MBP: variants seen among roughly 807,000 people sequenced by gnomAD.
MBP encodes myelin basic protein, also known as Golli-MBP.
MBP carries 16 observed loss-of-function variants against 35.8 expected under a neutral mutation model. The observed-to-expected ratio is 0.45, with a 90% CI of 0.30 to 0.68. The LOEUF is 0.68. Ranked by LOEUF, MBP falls within the 30% of genes least tolerant of loss-of-function variation. MBP has a pLI of 0.08. For missense variants in MBP, 380 were observed against 404.7 expected, an observed-to-expected ratio of 0.94 and a Z score of 0.52; for synonymous variants, 143 against 159.6, an observed-to-expected ratio of 0.90 and a Z score of 0.78.
chr18:77,081,819 T>C (rs7505230), intron 2 of MBP, among the ~76,000 whole-genome samples: 62 of 76,234 alleles, frequency 8.1e-4, no homozygotes, highest in African/African-American at 1.6e-3. Context: ...CACACATATA[T>C]ACACACACAC....
At chr18:76,990,633 C>T (rs2123146903) in intron 4 of MBP, among the ~76,000 whole-genome samples, 3 of 152,222 alleles carry the variant, frequency 2.0e-5, no homozygotes, top group Middle Eastern at 3.4e-3. Context: ...GAAAAGAGGG[C>T]TTAGAAGAGC....
At chr18:76,986,464 C>T (rs1261022055) in intron 7 of MBP, 2 of 985,390 alleles carry the variant, frequency 2.0e-6, no homozygotes, top group Non-Finnish European at 2.4e-6. Flanking sequence ...GGGGGCTTCC[C>T]ACCATACAAG....
At chr18:77,055,850 C>T (rs1425495486) in intron 3 of MBP, among the ~76,000 whole-genome samples, 1 of 152,224 alleles carries the variant, frequency 6.6e-6, no homozygotes, top group Non-Finnish European at 1.5e-5. Context: ...GGTGACTTTG[C>T]AAACCCAGAC....
intron 3 of MBP, among the ~76,000 whole-genome samples, chr18:77,051,684 T>C (rs1973494427): frequency 6.6e-6 from 1 of 152,164 alleles, no homozygotes; most frequent in East Asian, 1.9e-4. Context: ...ACACCTTTCC[T>C]GATACATCAA....
At chr18:76,991,416 G>C (rs1178053694) in intron 4 of MBP, among the ~76,000 whole-genome samples, 1 of 152,150 alleles carries the variant, frequency 6.6e-6, no homozygotes, top group Non-Finnish European at 1.5e-5. Flanking sequence ...CATGGGGGCA[G>C]GTGACACAGG....
At chr18:77,096,103 C>A (rs1975747109) in intron 2 of MBP, among the ~76,000 whole-genome samples, 1 of 152,192 alleles carries the variant, frequency 6.6e-6, no homozygotes, top group African/African-American at 2.4e-5. Flanking sequence ...ATTTATGATT[C>A]CATAAAGGAA....
intron 4 of MBP, among the ~76,000 whole-genome samples, chr18:76,994,800 G>A (rs982432036): frequency 2.6e-5 from 4 of 152,202 alleles, no homozygotes; most frequent in African/African-American, 7.2e-5. Context: ...GAATTAACAT[G>A]TAGGCTGTTT....
intron 2 of MBP, chr18:77,095,316 G>A (rs913229137): frequency 4.6e-5 from 7 of 152,148 alleles, no homozygotes; most frequent in Admixed American, 4.6e-4. Flanking sequence ...TATATTAAAT[G>A]GCCAATTTAA....
chr18:77,052,142 G>C (rs62106765), intron 3 of MBP, among the ~76,000 whole-genome samples: 112 of 152,262 alleles, frequency 7.4e-4, no homozygotes, highest in African/African-American at 2.6e-3. Flanking sequence ...AAGTCCACCC[G>C]ACCAGGAACG....
In MBP at chr18:77,017,209, A is replaced by T; in HGVS notation, c.199T>A (p.Ser67Thr). The stretch of plus-strand genomic sequence containing the variant: ...TTCTTCGGGTCCGCTGTGCGCTTGG[A>T]GTCAGTCACCGCTGTGTCCTGAGAG... ...TSSQDTAVTD[S>T]KRTADPKNAW... The change falls in exon 4 of 9, where the codon TCC becomes ACC. Residue 67 changes from serine (S) to threonine (T), a missense_variant. Coordinates refer to ENST00000355994, the MANE Select transcript of MBP (RefSeq NM_001025101.2). The T allele has an allele frequency of 6.5e-7, 1 of 1,528,572 alleles. No individual in the cohort carries two copies. Among genetic ancestry groups the T allele is most frequent in the Non-Finnish European group, 8.8e-7 (1 of 1,138,696 alleles). The allele number at this position is 1,528,572 out of a possible 1,614,324, so 94.7% of individuals were successfully genotyped here.
intron 3 of MBP, among the ~76,000 whole-genome samples, chr18:77,049,087 T>G (rs1484482980): frequency 6.6e-6 from 1 of 151,888 alleles, no homozygotes; most frequent in Admixed American, 6.6e-5. Flanking sequence ...GCCCGGCTAA[T>G]TTTTTGTATT....
At chr18:77,092,568 G>T (rs1975579347) in intron 2 of MBP, among the ~76,000 whole-genome samples, 1 of 152,062 alleles carries the variant, frequency 6.6e-6, no homozygotes, top group Admixed American at 6.5e-5. Context: ...AATGACATCA[G>T]CCCTGCTCTG....
chr18:77,112,961 C>A (rs1976521677), intron 1 of MBP: 1 of 151,456 alleles, frequency 6.6e-6, no homozygotes, highest in African/African-American at 2.4e-5. Flanking sequence ...TTTTTTGAGA[C>A]AGAGTTTCAC....
chr18:76,998,229 A>AG (rs1210982982), intron 4 of MBP, among the ~76,000 whole-genome samples: 3 of 152,134 alleles, frequency 2.0e-5, no homozygotes, highest in Non-Finnish European at 4.4e-5. Flanking sequence ...GGGCCACCCG[A>AG]GGGGCCTCCT....
In MBP at chr18:76,989,686, T is replaced by C. The variant is rs470144; in HGVS notation, c.681+270A>G. 73,465 of 410,528 alleles carry C rather than the reference T, an allele frequency of 0.18. 7,290 individuals are homozygous for C. The highest frequency in any genetic ancestry group is 0.35 in the East Asian group (6,104 of 17,382). The allele number at this position is 410,528 out of a possible 1,614,324, so 25.4% of individuals were successfully genotyped here. On this transcript the variant is annotated intron_variant, in intron 5 of 8. Transcript: ENST00000355994. The surrounding 1 kb of genome is among the most constrained non-coding windows in gnomAD (Gnocchi z 4.0). ...GGTTGCAAAGCCTGTGTTTTTAGGC[T>C]AAGCGTTACATGGGAGCCTAATCTC...
intron 1 of MBP, among the ~76,000 whole-genome samples, chr18:77,129,794 C>T (rs559703306): frequency 6.6e-6 from 1 of 152,176 alleles, no homozygotes; most frequent in African/African-American, 2.4e-5. Flanking sequence ...CTTTGGGAGG[C>T]CGAGGTGGGT....
intron 3 of MBP, among the ~76,000 whole-genome samples, chr18:77,056,397 G>T (rs8090463): frequency 2.0e-5 from 3 of 151,972 alleles, no homozygotes; most frequent in African/African-American, 7.3e-5. Flanking sequence ...CCGTCCCTTT[G>T]AGACATCGGC....
intron 2 of MBP, among the ~76,000 whole-genome samples, chr18:77,073,263 A>G (rs894739250): frequency 1.3e-5 from 2 of 152,214 alleles, no homozygotes; most frequent in Non-Finnish European, 2.9e-5. Context: ...GAATTTCAGC[A>G]TCATCTAGTT....
chr18:77,027,558 T>C (rs1291080907), intron 3 of MBP, among the ~76,000 whole-genome samples: 1 of 141,236 alleles, frequency 7.1e-6, no homozygotes, highest in Non-Finnish European at 1.6e-5. Context: ...CACAGGCCCC[T>C]TGCATACACA....
Sources: gnomAD v4.1 joint callset for allele counts (sites outside exome capture counted in the v4.1 genomes callset) on GRCh38, gnomAD v4.1.1 for gene constraint, Gnocchi (gnomAD v3.1) non-coding constraint, MANE v1.5 for transcripts, NCBI Gene and HGNC (gene_info 2026-07-23, HGNC 2026-07-21) for gene names.